FER: variants seen among roughly 807,000 people sequenced by gnomAD.
The protein encoded by FER is tyrosine-protein kinase Fer.
FER carries 63 observed loss-of-function variants against 111.0 expected under a neutral mutation model. The ratio of observed to expected loss-of-function variants is 0.57; its 90% CI spans 0.46 to 0.70. The LOEUF (loss-of-function observed/expected upper bound fraction) is 0.70, where lower values mean the gene tolerates loss of function less well. FER is among the 30% of genes least tolerant of loss of function. FER has a pLI of 0.00. For missense variants in FER, 914 were observed against 954.0 expected, an observed-to-expected ratio of 0.96 and a Z score of 0.55; for synonymous variants, 327 against 313.9, an observed-to-expected ratio of 1.04 and a Z score of -0.44.
At chr5:109,129,062 T>TA (rs2126559097) in intron 17 of FER, among the ~76,000 whole-genome samples, 1 of 152,162 alleles carries the variant, frequency 6.6e-6, no homozygotes, top group Non-Finnish European at 1.5e-5. Flanking sequence ...TAGAATACAG[T>TA]AAAAATGATA....
chr5:109,055,006 C>A (rs913427859), intron 16 of FER, among the ~76,000 whole-genome samples: 5 of 152,114 alleles, frequency 3.3e-5, no homozygotes, highest in Non-Finnish European at 7.4e-5. Flanking sequence ...AGTCTTGACT[C>A]AGAAATAAAT....
At chr5:108,748,983 T>A (rs1222755548) in intron 1 of FER, 1 of 152,204 alleles carries the variant, frequency 6.6e-6, no homozygotes, top group Non-Finnish European at 1.5e-5. Context: ...TTCGGGCTTG[T>A]CAGGTTCTAG....
intron 11 of FER, among the ~76,000 whole-genome samples, chr5:108,951,419 T>G (rs1052920876): frequency 6.6e-6 from 1 of 152,146 alleles, no homozygotes; most frequent in Non-Finnish European, 1.5e-5. Flanking sequence ...CTTAATCTAG[T>G]GCCTTAGACC....
intron 5 of FER, among the ~76,000 whole-genome samples, chr5:108,855,021 G>A (rs1046912054): frequency 6.9e-6 from 1 of 145,258 alleles, no homozygotes; most frequent in Non-Finnish European, 1.5e-5. Context: ...AGAGAAAGAA[G>A]AAAAGACTGA....
At chr5:108,911,920 C>T (rs537847041) in intron 10 of FER, among the ~76,000 whole-genome samples, 1 of 152,170 alleles carries the variant, frequency 6.6e-6, no homozygotes, top group South Asian at 2.1e-4. Flanking sequence ...CCACAATTCC[C>T]ACGTGTTGTG....
At chr5:108,829,907 C>T (rs1292664851) in intron 3 of FER, among the ~76,000 whole-genome samples, 1 of 151,996 alleles carries the variant, frequency 6.6e-6, no homozygotes, top group African/African-American at 2.4e-5. Flanking sequence ...AAGAGTAAGA[C>T]AGAATAGCAA....
At chr5:109,046,963 T>G in intron 15 of FER, 141 bp from the exon 16 acceptor site, 1 of 523,132 alleles carries the variant, frequency 1.9e-6, no homozygotes, top group South Asian at 3.0e-5. Flanking sequence ...ACATCCAATT[T>G]ATCATAATTT....
chr5:109,140,432 A>G lies in FER; in HGVS notation c.2048+39913A>G, dbSNP rs1753400855. On this transcript the variant is annotated intron_variant, in intron 17 of 19. Transcript: ENST00000281092. ...TCCATGGAAAAAAAGTTTGGCTATC[A>G]TTTGTAAGAGTATGATCAGTGGTGT... 3.9e-5 allele frequency among the ~76,000 whole-genome samples: 6 copies of G among 152,322 alleles called. No individual in the cohort carries two copies. In the South Asian group the frequency reaches 1.2e-3, roughly 32 times the overall value.
At chr5:108,891,296 G>A (rs148690681) in intron 9 of FER, 1 of 151,962 alleles carries the variant, frequency 6.6e-6, no homozygotes, top group African/African-American at 2.4e-5. Context: ...ATATATTCTA[G>A]TTCTTTATAT....
chr5:109,161,252 A>G (rs570801247), intron 17 of FER, among the ~76,000 whole-genome samples: 1 of 151,876 alleles, frequency 6.6e-6, no homozygotes, highest in African/African-American at 2.4e-5. Flanking sequence ...TTATGAGGCC[A>G]TAAGTATCTT....
At position 109,077,263 on chromosome 5, in the gene FER, A is replaced by C. The variant is rs140858442; in HGVS notation, c.1925-23133A>C. ...CTATTCCAAGAGAAATCCTATTTAG[A>C]GTACATGAGCAACCGTAATGAAACT... On this transcript the variant is annotated intron_variant, in intron 16 of 19. Coordinates refer to ENST00000281092, the MANE Select transcript of FER (RefSeq NM_005246.4). Among the ~76,000 whole-genome samples, 55 of 152,360 alleles carry C rather than the reference A, an allele frequency of 3.6e-4. No homozygotes were observed. In the Middle Eastern group the frequency reaches 0.01, roughly 28 times the overall value.
intron 16 of FER, among the ~76,000 whole-genome samples, chr5:109,076,228 T>C (rs1776324468): frequency 6.6e-6 from 1 of 152,134 alleles, no homozygotes; most frequent in Non-Finnish European, 1.5e-5. Flanking sequence ...TTATCTTCTA[T>C]CATGTAACAA....
chr5:108,864,428 T>C (rs1331679608), intron 5 of FER, among the ~76,000 whole-genome samples: 1 of 152,148 alleles, frequency 6.6e-6, no homozygotes, highest in African/African-American at 2.4e-5. Context: ...ACCCTCACCT[T>C]TTCTCTGCTC....
chr5:109,066,442 A>G (rs1226571701), intron 16 of FER, among the ~76,000 whole-genome samples: 1 of 152,228 alleles, frequency 6.6e-6, no homozygotes, highest in Non-Finnish European at 1.5e-5. Context: ...TAAATATTAC[A>G]TCATTGAAAT....
At chr5:108,776,858 G>T (rs573276379) in intron 2 of FER, among the ~76,000 whole-genome samples, 2 of 152,244 alleles carry the variant, frequency 1.3e-5, no homozygotes, top group African/African-American at 4.8e-5. Flanking sequence ...TCAATACTTT[G>T]TAGGATTTTT....
At chr5:109,065,332 C>T (rs1774951205) in intron 16 of FER, among the ~76,000 whole-genome samples, 1 of 152,076 alleles carries the variant, frequency 6.6e-6, no homozygotes, top group African/African-American at 2.4e-5. Flanking sequence ...TTTATTTTTT[C>T]CTGCTTGCAC....
chr5:109,058,000 T>G (rs1374087091), intron 16 of FER, among the ~76,000 whole-genome samples: 1 of 152,156 alleles, frequency 6.6e-6, no homozygotes, highest in East Asian at 1.9e-4. Flanking sequence ...AAAGCAAATT[T>G]AACAATATAT....
At chr5:108,816,407 G>T (rs577155363) in intron 3 of FER, among the ~76,000 whole-genome samples, 4 of 152,078 alleles carry the variant, frequency 2.6e-5, no homozygotes, top group African/African-American at 4.8e-5. Flanking sequence ...TACAGAATTC[G>T]CAAGTTGCAA....
intron 17 of FER, among the ~76,000 whole-genome samples, chr5:109,156,914 T>C (rs1389720618): frequency 1.3e-5 from 2 of 151,682 alleles, no homozygotes; most frequent in Non-Finnish European, 2.9e-5. Context: ...GAGAATGGGG[T>C]GATATCTGGA....
Sources: allele counts gnomAD v4.1 joint callset (sites outside exome capture counted in the v4.1 genomes callset), GRCh38; gene constraint gnomAD v4.1.1; transcripts MANE v1.5; gene names NCBI Gene and HGNC (gene_info 2026-07-23, HGNC 2026-07-21).